MIPOL1: variants seen among roughly 807,000 people sequenced by gnomAD.
MIPOL1 encodes mirror-image polydactyly 1.
MIPOL1 carries 57 observed loss-of-function variants against 60.9 expected under a neutral mutation model. That is an observed-to-expected ratio of 0.94 (90% CI 0.76 to 1.17). The LOEUF (loss-of-function observed/expected upper bound fraction) is 1.17, where lower values mean the gene tolerates loss of function less well. Among genes scored for constraint, MIPOL1 ranks in the 50% most tolerant of loss-of-function variants. The pLI is 0.00. For missense variants in MIPOL1, 551 were observed against 511.6 expected, an observed-to-expected ratio of 1.08 and a Z score of -0.74; for synonymous variants, 179 against 168.8, an observed-to-expected ratio of 1.06 and a Z score of -0.47.
intron 11 of MIPOL1, among the ~76,000 whole-genome samples, chr14:37,445,181 T>C (rs2094313684): frequency 6.6e-6 from 1 of 151,918 alleles, no homozygotes; most frequent in Non-Finnish European, 1.5e-5. Flanking sequence ...AAAACCCCAT[T>C]GTCTCAGCCC....
At chr14:37,217,462 A>G (rs78579798) in intron 1 of MIPOL1, among the ~76,000 whole-genome samples, 1 of 152,316 alleles carries the variant, frequency 6.6e-6, no homozygotes, top group East Asian at 1.9e-4. Flanking sequence ...CCACAGTCCA[A>G]TCTCTCTGAT....
intron 1 of MIPOL1, among the ~76,000 whole-genome samples, chr14:37,235,633 TC>T (rs1351980542): frequency 6.6e-6 from 1 of 152,186 alleles, no homozygotes; most frequent in East Asian, 1.9e-4. Context: ...AGTGGATAGT[TC>T]AGTGGCATTA....
chr14:37,516,855 CCAAA>C (rs1479740462), intron 12 of MIPOL1, among the ~76,000 whole-genome samples: 2 of 151,966 alleles, frequency 1.3e-5, no homozygotes, highest in East Asian at 1.9e-4. Flanking sequence ...TTAAGCTGAA[CCAAA>C]CAAATGAAGC....
At chr14:37,266,424 A>G (rs1355169733) in intron 3 of MIPOL1, among the ~76,000 whole-genome samples, 4 of 152,150 alleles carry the variant, frequency 2.6e-5, no homozygotes, top group Admixed American at 1.3e-4. Context: ...TAAAATCTGA[A>G]TGACAAAAGT....
At position 37,244,104 on chromosome 14, in the gene MIPOL1, C is replaced by CTTTTTTTTTTTTTTTTTT. The variant is rs143933758; in HGVS notation, c.-198-2984_-198-2967dup. ...TTTTCTTCCATGTAAGACTCACTTC[C>CTTTTTTTTTTTTTTTTTT]TTTTTTTTTTTTTTTTTTTTTTTTT... On this transcript the variant is annotated intron_variant, in intron 1 of 12. Coordinates refer to ENST00000684589, the MANE Select transcript of MIPOL1 (RefSeq NM_001388067.1). 1.4e-4 allele frequency among the ~76,000 whole-genome samples: 7 copies of CTTTTTTTTTTTTTTTTTT among 51,588 alleles called. 3 individuals are homozygous for CTTTTTTTTTTTTTTTTTT. The highest frequency in any genetic ancestry group is 2.4e-4 in the Non-Finnish European group (7 of 29,552). 33.8% of individuals were successfully genotyped at this position (51,588 alleles called of 152,430 possible). A position where few individuals can be genotyped will look rare whatever the true frequency, so the allele number is the denominator to read the frequency against.
chr14:37,325,953 T>C (rs2089117838), intron 9 of MIPOL1, among the ~76,000 whole-genome samples: 1 of 152,170 alleles, frequency 6.6e-6, no homozygotes, highest in Admixed American at 6.6e-5. Context: ...CGCGAAAGCT[T>C]TTCTCCATTT....
At chr14:37,511,883 A>G (rs1594807018) in intron 12 of MIPOL1, among the ~76,000 whole-genome samples, 2 of 152,316 alleles carry the variant, frequency 1.3e-5, no homozygotes, top group South Asian at 4.1e-4. Context: ...GTAACTATAT[A>G]ATGAATAGAT....
Position 37,214,015 on chromosome 14 carries a change from C to T in MIPOL1, c.-199+15911C>T, listed in dbSNP as rs116504388. Among the ~76,000 whole-genome samples, 1,400 of 152,124 alleles carry T rather than the reference C, an allele frequency of 9.2e-3. 22 individuals carry two copies. The highest frequency in any genetic ancestry group is 0.033 in the African/African-American group (1,366 of 41,502). ...ACATGAAAGAGAAATAAAGGCTTTC[C>T]CAGACAAACAAAAACTGAGACATTT... On this transcript the variant is annotated intron_variant, in intron 1 of 12. Transcript: ENST00000684589.
chr14:37,214,709 A>C (rs1967291436), intron 1 of MIPOL1, among the ~76,000 whole-genome samples: 1 of 152,120 alleles, frequency 6.6e-6, no homozygotes, highest in East Asian at 1.9e-4. Flanking sequence ...AGTGACCAGA[A>C]GATAATAGTG....
At chr14:37,422,093 A>G (rs2093882868) in intron 10 of MIPOL1, among the ~76,000 whole-genome samples, 1 of 152,012 alleles carries the variant, frequency 6.6e-6, no homozygotes, top group African/African-American at 2.4e-5. Flanking sequence ...TTACTTGAAA[A>G]CTGTTTTTGG....
chr14:37,207,557 A>T (rs560502945), intron 1 of MIPOL1, among the ~76,000 whole-genome samples: 43 of 126,510 alleles, frequency 3.4e-4, no homozygotes, highest in Admixed American at 1.7e-3. Context: ...TATTATTATT[A>T]TTTTTTGAGA....
At chr14:37,540,327 A>G (rs572819360) in intron 12 of MIPOL1, among the ~76,000 whole-genome samples, 1 of 151,862 alleles carries the variant, frequency 6.6e-6, no homozygotes, top group African/African-American at 2.4e-5. Context: ...TCTCTTATCA[A>G]TTTCATTTTT....
Position 37,549,670 on chromosome 14 carries a change from A to G in MIPOL1, c.*2699A>G, listed in dbSNP as rs1004375027. 1.3e-5 allele frequency: 2 copies of G among 151,936 alleles called. No homozygotes were observed. Among genetic ancestry groups the G allele is most frequent in the African/African-American group, 2.4e-5 (1 of 41,434 alleles). 9.4% of individuals were successfully genotyped at this position (151,936 alleles called of 1,614,324 possible). A position where few individuals can be genotyped will look rare whatever the true frequency, so the allele number is the denominator to read the frequency against. ...ACCATCTCTTTCACATACTACATAC[A>G]AATTCCCTAATAATCAAAAGATTGT... On this transcript the variant is annotated 3_prime_UTR_variant, in exon 13 of 13. Coordinates refer to ENST00000684589, the MANE Select transcript of MIPOL1 (RefSeq NM_001388067.1).
intron 9 of MIPOL1, among the ~76,000 whole-genome samples, chr14:37,358,786 C>G (rs901945388): frequency 1.3e-5 from 2 of 152,254 alleles, no homozygotes; most frequent in Non-Finnish European, 2.9e-5. Context: ...TGTAGGTTGC[C>G]TGTTCACTCT....
intron 9 of MIPOL1, among the ~76,000 whole-genome samples, chr14:37,327,796 A>G (rs1428448969): frequency 6.6e-6 from 1 of 152,202 alleles, no homozygotes; most frequent in Non-Finnish European, 1.5e-5. Flanking sequence ...TGCTCTTCTT[A>G]AAGAGTATTT....
intron 12 of MIPOL1, among the ~76,000 whole-genome samples, chr14:37,521,885 G>GAAAA (rs71449997): frequency 0.034 from 4,431 of 130,100 alleles, 89 homozygotes; most frequent in East Asian, 0.09. Flanking sequence ...TTTATCTAAA[G>GAAAA]AAAAAAAAAT....
chr14:37,445,265 A>T (rs1194184380), intron 11 of MIPOL1, among the ~76,000 whole-genome samples: 1 of 152,128 alleles, frequency 6.6e-6, no homozygotes, highest in African/African-American at 2.4e-5. Context: ...AATCACAAGC[A>T]TTCTTATACA....
chr14:37,439,817 T>G (rs2153565371), intron 11 of MIPOL1, among the ~76,000 whole-genome samples: 1 of 152,324 alleles, frequency 6.6e-6, no homozygotes, highest in African/African-American at 2.4e-5. Context: ...CACAATACCA[T>G]TAACATACTT....
intron 7 of MIPOL1, among the ~76,000 whole-genome samples, chr14:37,295,681 C>A (rs1355274243): frequency 6.6e-6 from 1 of 152,036 alleles, no homozygotes; most frequent in Non-Finnish European, 1.5e-5. Flanking sequence ...AGACTTTAAA[C>A]CAACAAAGAT....
Sources: gnomAD v4.1 joint callset for allele counts (sites outside exome capture counted in the v4.1 genomes callset) on GRCh38, gnomAD v4.1.1 for gene constraint, MANE v1.5 for transcripts, NCBI Gene and HGNC (gene_info 2026-07-23, HGNC 2026-07-21) for gene names.